The following PKHD1 variants were observed in gnomAD, a reference collection of about 807,000 sequenced individuals.
PKHD1 encodes the protein fibrocystin.
In PKHD1, 291 loss-of-function variants were observed where a neutral mutation model predicts 412.0. The observed-to-expected ratio is 0.71, with a 90% CI of 0.64 to 0.78. PKHD1 has a LOEUF of 0.78. Among genes scored for constraint, PKHD1 ranks in the 30% least tolerant of loss-of-function variants. The pLI is 0.00. For synonymous variants in PKHD1, 1,777 were observed against 1,821.5 expected, an observed-to-expected ratio of 0.98 and a Z score of 0.62; for missense variants, 4,825 against 4,950.7, an observed-to-expected ratio of 0.97 and a Z score of 0.76.
chr6:51,722,899 G>T lies in PKHD1; in HGVS notation c.10156+21486C>A, dbSNP rs375162877. On this transcript the variant is annotated intron_variant, in intron 60 of 66. Transcript: ENST00000371117. ...ACACAGGACCTCTGCAAAGTCTCCTGCAACAGGGAACCACCACAGAAATAG... is the reference window on the plus strand; with the variant it reads ...ACACAGGACCTCTGCAAAGTCTCCTTCAACAGGGAACCACCACAGAAATAG... Among the ~76,000 whole-genome samples, 11 of 152,270 alleles carry T rather than the reference G, an allele frequency of 7.2e-5. No homozygotes were observed. The East Asian group carries it at 1.5e-3, about 21-fold the overall frequency.
At chr6:51,850,623 G>C (rs9463731) in intron 49 of PKHD1, among the ~76,000 whole-genome samples, 5,582 of 152,144 alleles carry the variant, frequency 0.037, 367 homozygotes, top group African/African-American at 0.13. Flanking sequence ...CTTGTTAGCT[G>C]TATACGTAGG....
chr6:51,825,708 T>C (rs547983592), intron 52 of PKHD1, among the ~76,000 whole-genome samples: 4 of 152,226 alleles, frequency 2.6e-5, no homozygotes, highest in South Asian at 4.2e-4. Flanking sequence ...AAAATGTGTG[T>C]TTTATGCTGT....
intron 2 of PKHD1, among the ~76,000 whole-genome samples, chr6:52,084,414 C>A (rs1356875866): frequency 1.3e-5 from 2 of 152,218 alleles, no homozygotes; most frequent in African/African-American, 4.8e-5. Context: ...ACCAAATTCG[C>A]AGAGAAAATT....
At chr6:51,682,314 ATAT>A (rs1776797732) in intron 60 of PKHD1, 2 of 439,428 alleles carry the variant, frequency 4.6e-6, no homozygotes, top group Non-Finnish European at 9.1e-6. Flanking sequence ...ATTTATCATA[ATAT>A]TCACTTTTTC....
At chr6:51,891,773 G>C (rs1291714631) in intron 43 of PKHD1, among the ~76,000 whole-genome samples, 1 of 150,968 alleles carries the variant, frequency 6.6e-6, no homozygotes. Context: ...AGACAGTATG[G>C]GGGAGAAAAC....
chr6:52,071,711 T>A (rs1810637471), intron 8 of PKHD1, among the ~76,000 whole-genome samples: 1 of 152,214 alleles, frequency 6.6e-6, no homozygotes, highest in African/African-American at 2.4e-5. Flanking sequence ...ATCCCAGGTC[T>A]GCCACTTGCT....
At chr6:51,850,331 G>C (rs149443469) in intron 49 of PKHD1, among the ~76,000 whole-genome samples, 1 of 152,198 alleles carries the variant, frequency 6.6e-6, no homozygotes, top group Non-Finnish European at 1.5e-5. Context: ...GTAGTGTGAT[G>C]CCTCCAGCTT....
intron 52 of PKHD1, among the ~76,000 whole-genome samples, chr6:51,808,328 G>A (rs1297140371): frequency 6.6e-6 from 1 of 151,930 alleles, no homozygotes; most frequent in East Asian, 1.9e-4. Context: ...GCCATCTTCA[G>A]GAAATGAAAC....
intron 60 of PKHD1, among the ~76,000 whole-genome samples, chr6:51,706,588 A>T (rs1228679806): frequency 1.3e-5 from 2 of 152,044 alleles, no homozygotes. Context: ...AGTAAATGCC[A>T]AAACTATTTT....
At chr6:51,731,597 T>G (rs1783244942) in intron 60 of PKHD1, among the ~76,000 whole-genome samples, 1 of 152,334 alleles carries the variant, frequency 6.6e-6, no homozygotes, top group Admixed American at 6.5e-5. Flanking sequence ...GATTGGTTTC[T>G]AATTCTGTGA....
chr6:51,796,336 G>A (rs994583262), intron 52 of PKHD1, among the ~76,000 whole-genome samples: 1 of 151,896 alleles, frequency 6.6e-6, no homozygotes, highest in Admixed American at 6.6e-5. Flanking sequence ...GTGTTTCTCT[G>A]GGGTCAGTGG....
At chr6:51,799,339 TC>T (rs1297846121) in intron 52 of PKHD1, among the ~76,000 whole-genome samples, 1 of 152,016 alleles carries the variant, frequency 6.6e-6, no homozygotes, top group Non-Finnish European at 1.5e-5. Flanking sequence ...TTTCTTTCTT[TC>T]CTTTCCCATA....
At chr6:51,704,584 CTA>C (rs1480249444) in intron 60 of PKHD1, among the ~76,000 whole-genome samples, 2 of 152,016 alleles carry the variant, frequency 1.3e-5, no homozygotes, top group Non-Finnish European at 2.9e-5. Flanking sequence ...GATTTAGCAG[CTA>C]TTAAGAAGAA....
intron 52 of PKHD1, among the ~76,000 whole-genome samples, chr6:51,825,189 T>A (rs1333211652): frequency 6.6e-6 from 1 of 152,164 alleles, no homozygotes; most frequent in Non-Finnish European, 1.5e-5. Context: ...CATAAACACA[T>A]ACACAGAGGT....
intron 43 of PKHD1, among the ~76,000 whole-genome samples, chr6:51,895,361 A>C (rs1000884951): frequency 2.0e-5 from 3 of 152,220 alleles, no homozygotes; most frequent in African/African-American, 7.2e-5. Context: ...ACTGAATAAC[A>C]GAAAGCCAAT....
At chr6:51,740,709 T>C (rs538633288) in intron 60 of PKHD1, among the ~76,000 whole-genome samples, 1 of 152,334 alleles carries the variant, frequency 6.6e-6, no homozygotes, top group South Asian at 2.1e-4. Flanking sequence ...AATGGTTTAA[T>C]AATGAAAAGA....
rs149748419 is a variant in PKHD1 at position 52,080,461 on chromosome 6, A to T, written c.282-453T>A. On this transcript the variant is annotated intron_variant, in intron 4 of 66. Coordinates refer to ENST00000371117, the MANE Select transcript of PKHD1 (RefSeq NM_138694.4). ...ATAAATACTTCATGTAGCCATCAAA[A>T]CAGAGTCTTGGATCTTCTCTCCTCT... is the stretch of plus-strand genomic sequence containing the variant. Among the ~76,000 whole-genome samples, 435 of 152,338 alleles carry T rather than the reference A, an allele frequency of 2.9e-3. 3 individuals are homozygous for T. The highest frequency in any genetic ancestry group is 0.01 in the African/African-American group (422 of 41,584).
intron 64 of PKHD1, among the ~76,000 whole-genome samples, 198 bp downstream of exon 64, chr6:51,638,651 C>CAGGAGTAACCTG (rs1223430878): frequency 6.6e-6 from 1 of 152,080 alleles, no homozygotes; most frequent in Non-Finnish European, 1.5e-5. Flanking sequence ...TCTTGCTCAC[C>CAGGAGTAACCTG]AGGAGTAACC....
intron 44 of PKHD1, among the ~76,000 whole-genome samples, chr6:51,886,794 G>C (rs571173314): frequency 7.9e-5 from 12 of 152,270 alleles, no homozygotes; most frequent in African/African-American, 2.9e-4. Flanking sequence ...AATTTGCTAA[G>C]AGGTCAGATT....
Sources: gnomAD v4.1 joint callset for allele counts (sites outside exome capture counted in the v4.1 genomes callset) on GRCh38, gnomAD v4.1.1 for gene constraint, MANE v1.5 for transcripts, NCBI Gene and HGNC (gene_info 2026-07-23, HGNC 2026-07-21) for gene names.